Variants in ADAMTS3 observed in about 807,000 individuals in gnomAD.
ADAMTS3 encodes ADAM metallopeptidase with thrombospondin type 1 motif 3, also known as A disintegrin and metalloproteinase with thrombospondin motifs 3.
Under a neutral mutation model 129.0 loss-of-function variants are expected in ADAMTS3, and 73 were observed. The ratio of observed to expected loss-of-function variants is 0.57; its 90% CI spans 0.47 to 0.69. The LOEUF (loss-of-function observed/expected upper bound fraction) is 0.69. Ranked by LOEUF, ADAMTS3 falls within the 30% of genes least tolerant of loss-of-function variation. The pLI, the probability that ADAMTS3 is intolerant of heterozygous loss-of-function variation, is 0.00. For synonymous variants in ADAMTS3, 477 were observed against 510.8 expected, an observed-to-expected ratio of 0.93 and a Z score of 0.89; for missense variants, 1,457 against 1,514.5, an observed-to-expected ratio of 0.96 and a Z score of 0.63.
chr4:72,552,234 T>A (rs557940973), intron 2 of ADAMTS3, among the ~76,000 whole-genome samples: 9 of 152,190 alleles, frequency 5.9e-5, no homozygotes, highest in Non-Finnish European at 1.3e-4. Flanking sequence ...CTTCAGCAAG[T>A]TCTTTATTTT....
At chr4:72,296,465 T>C (rs1339088456) in intron 18 of ADAMTS3, among the ~76,000 whole-genome samples, 1 of 152,046 alleles carries the variant, frequency 6.6e-6, no homozygotes, top group African/African-American at 2.4e-5. Flanking sequence ...TGTAATTATG[T>C]ATATAAATTT....
chr4:72,358,963 G>A (rs1046012071), intron 4 of ADAMTS3, among the ~76,000 whole-genome samples: 1 of 151,698 alleles, frequency 6.6e-6, no homozygotes, highest in East Asian at 1.9e-4. Context: ...GAGGTATGAG[G>A]CCTTCCAAAA....
At chr4:72,411,095 AC>A (rs1050480128) in intron 4 of ADAMTS3, among the ~76,000 whole-genome samples, 9 of 152,290 alleles carry the variant, frequency 5.9e-5, no homozygotes, top group African/African-American at 2.2e-4. Context: ...ACTTAAAAAA[AC>A]ATATTTTTAA....
At chr4:72,560,037 C>T (rs1188510887) in intron 2 of ADAMTS3, among the ~76,000 whole-genome samples, 2 of 151,576 alleles carry the variant, frequency 1.3e-5, no homozygotes, top group Non-Finnish European at 2.9e-5. Flanking sequence ...AGAAATAACA[C>T]TGCACATCTA....
intron 5 of ADAMTS3, among the ~76,000 whole-genome samples, chr4:72,325,038 T>C (rs779422011): frequency 6.6e-6 from 1 of 151,956 alleles, no homozygotes; most frequent in African/African-American, 2.4e-5. Flanking sequence ...AGTTAACTCA[T>C]GCAAACAAAT....
chr4:72,526,570 A>G (rs372473534), intron 3 of ADAMTS3, among the ~76,000 whole-genome samples: 58 of 132,062 alleles, frequency 4.4e-4, no homozygotes, highest in East Asian at 3.6e-3. Flanking sequence ...AATGAAATTT[A>G]TGTGTGTGTG....
chr4:72,506,102 T>C (rs970690768), intron 3 of ADAMTS3, among the ~76,000 whole-genome samples: 1 of 152,206 alleles, frequency 6.6e-6, no homozygotes, highest in Admixed American at 6.5e-5. Flanking sequence ...TGTTAGTCTA[T>C]GCTAGCAGTT....
At chr4:72,381,202 A>G (rs901214467) in intron 4 of ADAMTS3, among the ~76,000 whole-genome samples, 1 of 152,222 alleles carries the variant, frequency 6.6e-6, no homozygotes, top group African/African-American at 2.4e-5. Context: ...ATAAAAAATC[A>G]CAGCAAAACC....
intron 3 of ADAMTS3, among the ~76,000 whole-genome samples, chr4:72,472,936 T>C (rs137980976): frequency 1.3e-5 from 2 of 152,198 alleles, no homozygotes; most frequent in African/African-American, 4.8e-5. Context: ...GAAAGAGAAA[T>C]TCATCTAAAA....
At chr4:72,403,116 T>C (rs1721966027) in intron 4 of ADAMTS3, among the ~76,000 whole-genome samples, 1 of 152,072 alleles carries the variant, frequency 6.6e-6, no homozygotes. Context: ...GAAACTGCCA[T>C]CATGTTTGGT....
At chr4:72,293,718 T>C (rs979328571) in intron 19 of ADAMTS3, among the ~76,000 whole-genome samples, 2 of 152,122 alleles carry the variant, frequency 1.3e-5, no homozygotes, top group African/African-American at 4.8e-5. Context: ...TATACACGTA[T>C]GAACATCCCA....
Position 72,568,837 on chromosome 4 carries a change from A to C in ADAMTS3, c.-75T>G. 9.6e-7 allele frequency: 1 copy of C among 1,043,612 alleles called. No homozygotes were observed. Among genetic ancestry groups the C allele is most frequent in the Non-Finnish European group, 1.4e-6 (1 of 733,580 alleles). The allele number at this position is 1,043,612 out of a possible 1,614,324, so 64.6% of individuals were successfully genotyped here. ...CAAACCCACCCCCCCCGCCCAAAAT[A>C]AGTTTCTTTAAGAAAAAAAGGAAAA... On this transcript the variant is annotated 5_prime_UTR_variant, in exon 1 of 22. Transcript: ENST00000286657.
chr4:72,533,030 C>T (rs899585518), intron 3 of ADAMTS3, among the ~76,000 whole-genome samples: 4 of 151,966 alleles, frequency 2.6e-5, no homozygotes, highest in African/African-American at 9.7e-5. Context: ...TTTCTTTCTC[C>T]AATAATAAAT....
intron 4 of ADAMTS3, among the ~76,000 whole-genome samples, chr4:72,344,499 A>C (rs1384380410): frequency 6.6e-6 from 1 of 152,168 alleles, no homozygotes; most frequent in Non-Finnish European, 1.5e-5. Context: ...CTCTTCCCTA[A>C]GGAGCAGAAT....
intron 4 of ADAMTS3, among the ~76,000 whole-genome samples, chr4:72,342,322 G>T (rs1333740194): frequency 6.8e-6 from 1 of 146,686 alleles, no homozygotes; most frequent in Non-Finnish European, 1.5e-5. Flanking sequence ...AACCGCTATT[G>T]TTCCAGAGGT....
intron 3 of ADAMTS3, among the ~76,000 whole-genome samples, chr4:72,455,990 A>ATATATATTTTACATATAGTATATATAC (rs1560522277): frequency 3.1e-5 from 1 of 31,846 alleles, no homozygotes; most frequent in African/African-American, 1.0e-4. Flanking sequence ...TATATATACT[A>ATATATATTTTACATATAGTATATATAC]TATATATTTT....
At chr4:72,331,049 C>T (rs768948593) in intron 5 of ADAMTS3, among the ~76,000 whole-genome samples, 8 of 152,030 alleles carry the variant, frequency 5.3e-5, no homozygotes, top group Admixed American at 1.3e-4. Flanking sequence ...GTGAATTTCA[C>T]GAAGGGAATT....
At chr4:72,486,613 A>G (rs1719597642) in intron 3 of ADAMTS3, among the ~76,000 whole-genome samples, 1 of 152,206 alleles carries the variant, frequency 6.6e-6, no homozygotes, top group Non-Finnish European at 1.5e-5. Context: ...TCAAATAGGC[A>G]GGTTTCTGAT....
Position 72,320,724 on chromosome 4 carries a change from A to G in ADAMTS3, c.1092T>C (p.Ala364=), listed in dbSNP as rs1719530031. The stretch of plus-strand genomic sequence containing the variant: ...TATTGACAGCAATACCTTGCATTCC[A>G]GCAGGTCCAAAGTCTTGCCTGGTTA... ...IFLTRQDFGP[A]GMQGYAPVTG... is the part of the protein sequence containing the mutation. The change falls in exon 7 of 22, where the codon GCT becomes GCC. Residue 364 remains alanine, a synonymous_variant. Transcript: ENST00000286657. 1.2e-6 allele frequency: 2 copies of G among 1,613,464 alleles called. No individual in the cohort carries two copies. Among genetic ancestry groups the G allele is most frequent in the East Asian group, 4.5e-5 (2 of 44,834 alleles).
Sources: allele counts gnomAD v4.1 joint callset (sites outside exome capture counted in the v4.1 genomes callset), GRCh38; gene constraint gnomAD v4.1.1; transcripts MANE v1.5; gene names NCBI Gene and HGNC (gene_info 2026-07-23, HGNC 2026-07-21).